The following KLHL3 variants were observed in gnomAD, a reference collection of about 807,000 sequenced individuals.
KLHL3 encodes kelch-like protein 3.
KLHL3 carries 19 observed loss-of-function variants against 70.5 expected under a neutral mutation model. That is an observed-to-expected ratio of 0.27 (90% CI 0.19 to 0.40). KLHL3 has a LOEUF of 0.40. Ranked by LOEUF, KLHL3 falls within the 10% of genes least tolerant of loss-of-function variation. The probability of loss-of-function intolerance (pLI) is 1.00; values close to 1 mark genes in which losing one functional copy is unlikely to be tolerated. For synonymous variants in KLHL3, 258 were observed against 290.3 expected, an observed-to-expected ratio of 0.89 and a Z score of 1.13; for missense variants, 512 against 771.1, an observed-to-expected ratio of 0.66 and a Z score of 3.98.
intron 6 of KLHL3, among the ~76,000 whole-genome samples, chr5:137,673,171 G>C (rs1751804123): frequency 6.6e-6 from 1 of 152,166 alleles, no homozygotes; most frequent in South Asian, 2.1e-4. Context: ...AGGGGATTGA[G>C]GCCCTTTGTT....
At chr5:137,701,377 A>G (rs1752564084) in intron 3 of KLHL3, among the ~76,000 whole-genome samples, 1 of 152,166 alleles carries the variant, frequency 6.6e-6, no homozygotes, top group African/African-American at 2.4e-5. Context: ...GGATTTACAC[A>G]TAGATACTAA....
rs1250832072 is a variant in KLHL3 at position 137,631,818 on chromosome 5, T to G, written c.1450+2219A>C. 3.3e-5 allele frequency among the ~76,000 whole-genome samples: 5 copies of G among 152,194 alleles called. No individual in the cohort carries two copies. The East Asian group carries it at 9.6e-4, about 29-fold the overall frequency. On this transcript the variant is annotated intron_variant, in intron 12 of 14. Transcript: ENST00000309755. The stretch of plus-strand genomic sequence containing the variant: ...ACCTTCATAGAAACATAAGGTATGA[T>G]GAGGAGGAGCGTATTATCTCATCCA...
At chr5:137,694,852 G>A (rs1752408283) in intron 4 of KLHL3, among the ~76,000 whole-genome samples, 1 of 152,118 alleles carries the variant, frequency 6.6e-6, no homozygotes, top group Non-Finnish European at 1.5e-5. Flanking sequence ...GGGAGAGGAA[G>A]CCATCAAATG....
intron 6 of KLHL3, among the ~76,000 whole-genome samples, chr5:137,671,412 CAT>C (rs1481812258): frequency 2.6e-5 from 4 of 152,150 alleles, no homozygotes; most frequent in African/African-American, 9.7e-5. Flanking sequence ...ACTATGGACA[CAT>C]GTTTTCAGTC....
At chr5:137,709,966 G>C in intron 2 of KLHL3, 110 bp from the exon 3 acceptor site, 2 of 810,378 alleles carry the variant, frequency 2.5e-6, no homozygotes, top group South Asian at 2.9e-5. Flanking sequence ...ACTATACAAA[G>C]CTGTCACAGG....
At position 137,687,377 on chromosome 5, in the gene KLHL3, C is replaced by T. The variant is rs1752210959; in HGVS notation, c.526+4908G>A. ...CCGCCCCTACTGGGAAGTGAGGAGC[C>T]CCTCTGCCTGGCGAGCCGCCCCGTC... On this transcript the variant is annotated intron_variant, in intron 5 of 14. Transcript: ENST00000309755. Among the ~76,000 whole-genome samples, 2 of 33,520 alleles carry T rather than the reference C, an allele frequency of 6.0e-5. 1 individual carries two copies. The highest frequency in any genetic ancestry group is 2.9e-3 in the South Asian group (2 of 700). The allele number at this position is 33,520 out of a possible 152,430, so 22.0% of individuals were successfully genotyped here.
chr5:137,692,597 C>T lies in KLHL3; in HGVS notation c.364-150G>A, dbSNP rs1752349705. ...CAAACTTCCTAGCCTGCTTTCCAGC[C>T]TTATTTCCCACTACTCTGCCCTTCA... On this transcript the variant is annotated intron_variant, in intron 4 of 14. Coordinates refer to ENST00000309755, the MANE Select transcript of KLHL3 (RefSeq NM_017415.3). The T allele has an allele frequency of 1.0e-5, 7 of 692,232 alleles. No homozygotes were observed. In the South Asian group the frequency reaches 1.3e-4, roughly 13 times the overall value. 42.9% of individuals were successfully genotyped at this position (692,232 alleles called of 1,614,324 possible). A position where few individuals can be genotyped will look rare whatever the true frequency, so the allele number is the denominator to read the frequency against.
At chr5:137,670,007 A>G (rs1751711985) in intron 6 of KLHL3, among the ~76,000 whole-genome samples, 1 of 152,084 alleles carries the variant, frequency 6.6e-6, no homozygotes, top group Non-Finnish European at 1.5e-5. Context: ...CTAAGACTAG[A>G]TGAACTCTGC....
At chr5:137,683,651 T>A (rs1752088101) in intron 5 of KLHL3, among the ~76,000 whole-genome samples, 2 of 151,936 alleles carry the variant, frequency 1.3e-5, no homozygotes. Context: ...TATTACTACC[T>A]CCACACTCCC....
At chr5:137,666,574 C>T (rs1001301269) in intron 6 of KLHL3, among the ~76,000 whole-genome samples, 3 of 152,066 alleles carry the variant, frequency 2.0e-5, no homozygotes, top group African/African-American at 7.2e-5. Flanking sequence ...GTTATAAAAA[C>T]AAAAAAGCAA....
chr5:137,657,222 T>A (rs1751365184), intron 8 of KLHL3, among the ~76,000 whole-genome samples: 2 of 152,140 alleles, frequency 1.3e-5, no homozygotes. Context: ...GGCAGCCAGC[T>A]GGAAAGAGGA....
chr5:137,653,316 T>C (rs1258139342), intron 8 of KLHL3, among the ~76,000 whole-genome samples: 4 of 152,024 alleles, frequency 2.6e-5, no homozygotes, highest in South Asian at 4.2e-4. Context: ...AAAATGAAAA[T>C]ATAAGGCACA....
intron 6 of KLHL3, chr5:137,677,337 ACT>A: frequency 2.4e-6 from 1 of 411,066 alleles, no homozygotes; most frequent in Non-Finnish European, 4.3e-6. Flanking sequence ...AATCCCAGCT[ACT>A]CAGGAGGCTG....
chr5:137,663,678 C>T (rs1285498934), intron 6 of KLHL3, among the ~76,000 whole-genome samples: 1 of 152,036 alleles, frequency 6.6e-6, no homozygotes, highest in African/African-American at 2.4e-5. Context: ...GAATTTTTTT[C>T]TTCTGAATAT....
intron 1 of KLHL3, among the ~76,000 whole-genome samples, chr5:137,725,709 T>C (rs559602193): frequency 6.6e-6 from 1 of 152,372 alleles, no homozygotes; most frequent in East Asian, 1.9e-4. Context: ...CTAGTCAACT[T>C]TGTCAAAGCA....
At chr5:137,640,063 C>A in intron 8 of KLHL3, 86 bp from the exon 9 acceptor site, 2 of 1,124,606 alleles carry the variant, frequency 1.8e-6, no homozygotes. Flanking sequence ...GCTTATCGCC[C>A]AGGGTGTGTG....
intron 8 of KLHL3, among the ~76,000 whole-genome samples, chr5:137,654,410 C>T (rs1244035107): frequency 6.6e-6 from 1 of 152,118 alleles, no homozygotes; most frequent in East Asian, 1.9e-4. Context: ...CTTAACTGGG[C>T]AAATTTCTTA....
intron 1 of KLHL3, among the ~76,000 whole-genome samples, chr5:137,734,938 G>C (rs1753237044): frequency 6.6e-6 from 1 of 152,222 alleles, no homozygotes; most frequent in South Asian, 2.1e-4. Context: ...GTTAGATCCA[G>C]CTCAACAAAA....
chr5:137,619,244 A>G lies in KLHL3; in HGVS notation c.*2854T>C, dbSNP rs1225576686. On this transcript the variant is annotated 3_prime_UTR_variant, in exon 15 of 15. Transcript: ENST00000309755. Reference sequence around the variant, plus strand: ...GGATATTGCAACTGGCTTGTCGGGAACTAGAATTAAGTATTCTTATTGCAT... The same window carrying G: ...GGATATTGCAACTGGCTTGTCGGGAGCTAGAATTAAGTATTCTTATTGCAT... 6.5e-6 allele frequency: 1 copy of G among 152,682 alleles called. No homozygotes were observed. Among genetic ancestry groups the G allele is most frequent in the Non-Finnish European group, 1.5e-5 (1 of 68,038 alleles). 9.5% of individuals were successfully genotyped at this position (152,682 alleles called of 1,614,324 possible).
Sources: gnomAD v4.1 joint callset for allele counts (sites outside exome capture counted in the v4.1 genomes callset) on GRCh38, gnomAD v4.1.1 for gene constraint, MANE v1.5 for transcripts, NCBI Gene and HGNC (gene_info 2026-07-23, HGNC 2026-07-21) for gene names.